The following CDH8 variants were observed in gnomAD, a reference collection of about 807,000 sequenced individuals.
The protein encoded by CDH8 is cadherin 8.
Under a neutral mutation model 68.1 loss-of-function variants are expected in CDH8, and 17 were observed. The observed-to-expected ratio is 0.25, with a 90% CI of 0.17 to 0.37. The LOEUF is 0.37. Among genes scored for constraint, CDH8 ranks in the 10% least tolerant of loss-of-function variants. CDH8 has a pLI of 1.00. For missense variants in CDH8, 763 were observed against 999.3 expected (o/e 0.76, Z 3.19); for synonymous variants, 372 against 365.1 (o/e 1.02, Z -0.21).
chr16:61,776,880 A>C (rs573251505), intron 8 of CDH8, among the ~76,000 whole-genome samples: 1 of 152,248 alleles, frequency 6.6e-6, no homozygotes, highest in Non-Finnish European at 1.5e-5. Context: ...TGATGAAATA[A>C]TCTGTACACC....
At chr16:61,844,693 T>C (rs550889373) in intron 4 of CDH8, among the ~76,000 whole-genome samples, 15 of 152,202 alleles carry the variant, frequency 9.9e-5, no homozygotes, top group Non-Finnish European at 1.8e-4. Flanking sequence ...TATTTGATTA[T>C]TGCAATTTAG....
rs745710234 is a variant in CDH8, at chr16:61,894,390, C to T, written c.547+6789G>A. Among the ~76,000 whole-genome samples, 13 of 152,172 alleles carry T rather than the reference C, an allele frequency of 8.5e-5. No individual in the cohort carries two copies. In the East Asian group the frequency reaches 1.9e-3, roughly 23 times the overall value. On this transcript the variant is annotated intron_variant, in intron 3 of 11. Transcript: ENST00000577390. ...GATATGATACTTTTACTAAAACCCA[C>T]GATATTGGGACAGCTGCAGATTATT...
At chr16:61,872,362 A>T (rs1016755853) in intron 3 of CDH8, among the ~76,000 whole-genome samples, 1 of 152,202 alleles carries the variant, frequency 6.6e-6, no homozygotes, top group Non-Finnish European at 1.5e-5. Flanking sequence ...TTACGGAGAC[A>T]TGAGACATAA....
intron 2 of CDH8, among the ~76,000 whole-genome samples, chr16:61,991,084 T>G (rs1386565341): frequency 6.6e-6 from 1 of 152,196 alleles, no homozygotes; most frequent in African/African-American, 2.4e-5. Flanking sequence ...AGAATTTGAC[T>G]CTCACCTCTG....
intron 8 of CDH8, among the ~76,000 whole-genome samples, chr16:61,767,460 T>C (rs1960623992): frequency 1.3e-5 from 2 of 151,918 alleles, no homozygotes; most frequent in Admixed American, 6.6e-5. Flanking sequence ...CCATGGACCA[T>C]TTTATATAGT....
At chr16:61,659,681 A>G (rs1327873743) in intron 10 of CDH8, among the ~76,000 whole-genome samples, 1 of 152,082 alleles carries the variant, frequency 6.6e-6, no homozygotes, top group Non-Finnish European at 1.5e-5. Flanking sequence ...TTCCCCCAGC[A>G]TCATATGCTC....
intron 10 of CDH8, among the ~76,000 whole-genome samples, chr16:61,686,774 T>C (rs1054010439): frequency 6.6e-6 from 1 of 151,984 alleles, no homozygotes; most frequent in Non-Finnish European, 1.5e-5. Flanking sequence ...TGTTTCTTTA[T>C]ATTTATTTGA....
At chr16:61,671,813 C>T (rs1461777994) in intron 10 of CDH8, among the ~76,000 whole-genome samples, 4 of 151,960 alleles carry the variant, frequency 2.6e-5, no homozygotes, top group Non-Finnish European at 5.9e-5. Flanking sequence ...GATTTACTTT[C>T]CCTCAAATTC....
chr16:61,768,354 C>CCCTT (rs1960665987), intron 8 of CDH8, among the ~76,000 whole-genome samples: 1 of 113,970 alleles, frequency 8.8e-6, no homozygotes, highest in African/African-American at 3.5e-5. Context: ...CTCTCTCTCT[C>CCCTT]TCTCTCTCTC....
intron 8 of CDH8, among the ~76,000 whole-genome samples, chr16:61,746,161 T>G (rs1319721339): frequency 6.6e-6 from 1 of 152,118 alleles, no homozygotes; most frequent in Non-Finnish European, 1.5e-5. Flanking sequence ...CATGTTAAGA[T>G]GTGGCCAATT....
intron 10 of CDH8, among the ~76,000 whole-genome samples, chr16:61,687,794 G>C (rs887951449): frequency 4.6e-5 from 7 of 152,008 alleles, no homozygotes; most frequent in African/African-American, 1.7e-4. Context: ...GAAAATAACA[G>C]ATTTAACCTA....
intron 8 of CDH8, among the ~76,000 whole-genome samples, chr16:61,779,425 A>ATGTATG (rs1656559620): frequency 7.2e-6 from 1 of 139,034 alleles, no homozygotes; most frequent in Admixed American, 7.2e-5. Context: ...ATGTTCGTTT[A>ATGTATG]TGTGTGTGTG....
chr16:61,682,985 C>T (rs1964041390), intron 10 of CDH8, among the ~76,000 whole-genome samples: 1 of 151,928 alleles, frequency 6.6e-6, no homozygotes, highest in Non-Finnish European at 1.5e-5. Flanking sequence ...CTGGGACTTG[C>T]TTCAAAGAAA....
At chr16:61,679,931 T>C (rs974855318) in intron 10 of CDH8, among the ~76,000 whole-genome samples, 1 of 152,012 alleles carries the variant, frequency 6.6e-6, no homozygotes, top group African/African-American at 2.4e-5. Context: ...TTGTATTGTA[T>C]GGATATCCTT....
intron 10 of CDH8, among the ~76,000 whole-genome samples, chr16:61,706,500 A>G (rs1045102662): frequency 6.6e-6 from 1 of 151,744 alleles, no homozygotes; most frequent in Admixed American, 6.6e-5. Flanking sequence ...GGGCGCCTGT[A>G]GTCCCGGCTA....
At chr16:61,735,541 TTA>T (rs5817308) in intron 8 of CDH8, among the ~76,000 whole-genome samples, 57,397 of 151,446 alleles carry the variant, frequency 0.38, 11,415 homozygotes, top group African/African-American at 0.5. Flanking sequence ...CAATACATAG[TTA>T]TATATATATA....
At chr16:61,725,380 A>G (rs1959323217) in intron 9 of CDH8, 1 of 150,894 alleles carries the variant, frequency 6.6e-6, no homozygotes, top group Non-Finnish European at 1.5e-5. Flanking sequence ...AAGTGAAGCC[A>G]ATGTTGAGTT....
At chr16:61,750,570 C>A (rs142481206) in intron 8 of CDH8, among the ~76,000 whole-genome samples, 129 of 152,170 alleles carry the variant, frequency 8.5e-4, no homozygotes, top group African/African-American at 3.0e-3. Context: ...CACAGCACCA[C>A]AAATTTCTGT....
At chr16:61,659,254 A>G (rs1567407244) in intron 10 of CDH8, among the ~76,000 whole-genome samples, 1 of 152,172 alleles carries the variant, frequency 6.6e-6, no homozygotes, top group Non-Finnish European at 1.5e-5. Context: ...ATAAAGAACC[A>G]TTTATTCAAG....
Sources: allele counts gnomAD v4.1 joint callset (sites outside exome capture counted in the v4.1 genomes callset), GRCh38; gene constraint gnomAD v4.1.1; transcripts MANE v1.5; gene names NCBI Gene and HGNC (gene_info 2026-07-23, HGNC 2026-07-21).